ZCCHC14: variants seen among roughly 807,000 people sequenced by gnomAD.
The protein encoded by ZCCHC14 is zinc finger CCHC domain-containing protein 14.
A neutral mutation model predicts 85.0 loss-of-function variants in ZCCHC14; 16 were observed. The observed-to-expected ratio is 0.19, with a 90% CI of 0.13 to 0.29. ZCCHC14 has a LOEUF of 0.29. Among genes scored for constraint, ZCCHC14 ranks in the 10% least tolerant of loss-of-function variants. The pLI, the probability that ZCCHC14 is intolerant of heterozygous loss-of-function variation, is 1.00. For synonymous variants in ZCCHC14, 775 were observed against 630.7 expected (o/e 1.23, Z -3.43); for missense variants, 1,303 against 1,443.5 (o/e 0.90, Z 1.58).
chr16:87,456,691 CA>C (rs1910986616), intron 2 of ZCCHC14, among the ~76,000 whole-genome samples: 1 of 152,002 alleles, frequency 6.6e-6, no homozygotes, highest in Non-Finnish European at 1.5e-5. Context: ...ACACAAACCC[CA>C]GGGGCACACA....
intron 2 of ZCCHC14, among the ~76,000 whole-genome samples, chr16:87,455,079 G>A (rs970839819): frequency 1.3e-5 from 2 of 152,166 alleles, no homozygotes; most frequent in Admixed American, 6.5e-5. Context: ...ACCTGAGGTC[G>A]GGAATTCAAG....
intron 1 of ZCCHC14, among the ~76,000 whole-genome samples, chr16:87,475,956 T>C (rs1911986648): frequency 6.6e-6 from 1 of 152,234 alleles, no homozygotes. Context: ...ACAGTCAGGC[T>C]GCTCAAATAC....
chr16:87,434,495 C>T (rs1051668759), intron 2 of ZCCHC14, among the ~76,000 whole-genome samples: 3 of 152,254 alleles, frequency 2.0e-5, no homozygotes, highest in African/African-American at 4.8e-5. Flanking sequence ...CCGCGTGCGA[C>T]GGGGATGTCT....
intron 12 of ZCCHC14, chr16:87,411,285 A>T: frequency 7.7e-7 from 1 of 1,304,598 alleles, no homozygotes; most frequent in Non-Finnish European, 1.0e-6. Flanking sequence ...CACACTGGCT[A>T]AGCACCTTCT....
At chr16:87,415,963 G>A (rs991569082) in intron 8 of ZCCHC14, among the ~76,000 whole-genome samples, 7 of 152,070 alleles carry the variant, frequency 4.6e-5, no homozygotes, top group African/African-American at 1.7e-4. Flanking sequence ...GTTTCACTCT[G>A]TCACCTAGGC....
intron 8 of ZCCHC14, among the ~76,000 whole-genome samples, chr16:87,415,950 G>A (rs1246315406): frequency 2.0e-5 from 3 of 151,940 alleles, no homozygotes; most frequent in Non-Finnish European, 2.9e-5. Flanking sequence ...TTTTTGAGAC[G>A]GAGTTTCACT....
intron 2 of ZCCHC14, among the ~76,000 whole-genome samples, chr16:87,455,002 C>T (rs1200276171): frequency 6.6e-6 from 1 of 152,236 alleles, no homozygotes; most frequent in Non-Finnish European, 1.5e-5. Context: ...TTAAAAAATC[C>T]TGGAGGCCGA....
chr16:87,442,892 C>G (rs1910253780), intron 2 of ZCCHC14, among the ~76,000 whole-genome samples: 1 of 152,190 alleles, frequency 6.6e-6, no homozygotes, highest in Non-Finnish European at 1.5e-5. Flanking sequence ...CCAACTGTAA[C>G]TCTACATCCA....
At chr16:87,460,471 CTT>C (rs1911205063) in intron 1 of ZCCHC14, among the ~76,000 whole-genome samples, 1 of 152,186 alleles carries the variant, frequency 6.6e-6, no homozygotes, top group Admixed American at 6.5e-5. Flanking sequence ...AGGTGGATCT[CTT>C]GAGCCCAGGA....
chr16:87,446,447 G>T (rs561656680), intron 2 of ZCCHC14, among the ~76,000 whole-genome samples: 1 of 149,706 alleles, frequency 6.7e-6, no homozygotes, highest in African/African-American at 2.5e-5. Context: ...TTGCGCCACC[G>T]CACTCCAGCC....
Position 87,492,855 on chromosome 16 carries a change from C to G in ZCCHC14, c.-617G>C, listed in dbSNP as rs1912838863. Among the ~76,000 whole-genome samples, 1 of 148,156 alleles carries G rather than the reference C, an allele frequency of 6.7e-6. No individual in the cohort carries two copies. The highest frequency in any genetic ancestry group is 1.5e-5 in the Non-Finnish European group (1 of 66,484). On this transcript the variant is annotated 5_prime_UTR_variant, in exon 1 of 13. Transcript: ENST00000671377. This position sits in a 1 kb window ranked among gnomAD's most constrained non-coding sequence, Gnocchi z 6.7. ...GGCGGGAGGCGCGGAGGGATCCGGCCGGGACTTGCCGGCCTTGCTGCTCCC... is the reference window on the plus strand; with the variant it reads ...GGCGGGAGGCGCGGAGGGATCCGGCGGGGACTTGCCGGCCTTGCTGCTCCC...
chr16:87,483,258 G>C (rs1000575753), intron 1 of ZCCHC14, among the ~76,000 whole-genome samples: 17 of 128,804 alleles, frequency 1.3e-4, no homozygotes, highest in African/African-American at 5.0e-4. Context: ...AGGAGCTTGA[G>C]ACCAGCCTGG....
At chr16:87,454,278 G>A (rs1198965348) in intron 2 of ZCCHC14, among the ~76,000 whole-genome samples, 1 of 152,162 alleles carries the variant, frequency 6.6e-6, no homozygotes, top group Non-Finnish European at 1.5e-5. Context: ...CTGTTGTAGT[G>A]CAAAACATAA....
intron 3 of ZCCHC14, among the ~76,000 whole-genome samples, chr16:87,427,208 C>G (rs950082453): frequency 1.3e-5 from 2 of 152,264 alleles, no homozygotes; most frequent in African/African-American, 4.8e-5. Flanking sequence ...ACACTCATCA[C>G]CACAGGTCCC....
chr16:87,450,484 T>C (rs1052648291), intron 2 of ZCCHC14, among the ~76,000 whole-genome samples: 2 of 152,218 alleles, frequency 1.3e-5, no homozygotes, highest in African/African-American at 2.4e-5. Flanking sequence ...TCTAGCTACA[T>C]TGCATTAATT....
intron 1 of ZCCHC14, among the ~76,000 whole-genome samples, chr16:87,465,469 G>C (rs1394688446): frequency 6.6e-6 from 1 of 152,222 alleles, no homozygotes; most frequent in Non-Finnish European, 1.5e-5. Context: ...TCTGAAGCAA[G>C]CTACTGGTAG....
chr16:87,465,150 C>T (rs527349517), intron 1 of ZCCHC14, among the ~76,000 whole-genome samples: 25 of 152,248 alleles, frequency 1.6e-4, no homozygotes, highest in African/African-American at 2.9e-4. Context: ...GGAAGCGCCC[C>T]TGTGCCTTCC....
At chr16:87,438,424 T>G (rs1910034918) in intron 2 of ZCCHC14, among the ~76,000 whole-genome samples, 1 of 152,190 alleles carries the variant, frequency 6.6e-6, no homozygotes, top group Non-Finnish European at 1.5e-5. Flanking sequence ...GTGGGCAATG[T>G]GTTTACTTTT....
intron 3 of ZCCHC14, among the ~76,000 whole-genome samples, chr16:87,432,008 T>A (rs894759699): frequency 3.9e-5 from 6 of 152,220 alleles, no homozygotes; most frequent in Non-Finnish European, 8.8e-5. Context: ...CAACTGCTTG[T>A]CACAACACAG....
Sources: gnomAD v4.1 joint callset for allele counts (sites outside exome capture counted in the v4.1 genomes callset) on GRCh38, gnomAD v4.1.1 for gene constraint, Gnocchi (gnomAD v3.1) non-coding constraint, MANE v1.5 for transcripts, NCBI Gene and HGNC (gene_info 2026-07-23, HGNC 2026-07-21) for gene names.